CNTNAP4: variants seen among roughly 807,000 people sequenced by gnomAD.
CNTNAP4 encodes contactin associated protein family member 4.
In CNTNAP4, 98 loss-of-function variants were observed where a neutral mutation model predicts 148.4. The ratio of observed to expected loss-of-function variants is 0.66; its 90% CI spans 0.56 to 0.78. The LOEUF is 0.78. CNTNAP4 is among the 30% of genes least tolerant of loss of function. The pLI, the probability that CNTNAP4 is intolerant of heterozygous loss-of-function variation, is 0.00. For synonymous variants in CNTNAP4, 730 were observed against 565.1 expected (o/e 1.29, Z -4.14); for missense variants, 1,935 against 1,565.6 (o/e 1.24, Z -3.98).
rs562256656 is a variant in CNTNAP4, at chr16:76,286,983, A to G, written c.85+9236A>G. Among the ~76,000 whole-genome samples, 7 of 152,318 alleles carry G rather than the reference A, an allele frequency of 4.6e-5. No individual in the cohort carries two copies. In the East Asian group the frequency reaches 1.3e-3, roughly 29 times the overall value. On this transcript the variant is annotated intron_variant, in intron 1 of 23. Coordinates refer to ENST00000611870, the MANE Select transcript of CNTNAP4 (RefSeq NM_033401.5). ...TAGGCTCTTTTGTTTCATAGTGTGT[A>G]TGATTTCTGTGCTTATTTGAACTGC...
intron 12 of CNTNAP4, among the ~76,000 whole-genome samples, chr16:76,480,540 C>T (rs948655955): frequency 6.6e-6 from 1 of 152,080 alleles, no homozygotes; most frequent in Non-Finnish European, 1.5e-5. Flanking sequence ...GAGATTGAGA[C>T]CATCCTGGCC....
At chr16:76,541,361 C>T (rs1415947388) in intron 21 of CNTNAP4, among the ~76,000 whole-genome samples, 1 of 152,154 alleles carries the variant, frequency 6.6e-6, no homozygotes, top group Non-Finnish European at 1.5e-5. Context: ...AGTAGAAATG[C>T]ACTGTTGCCA....
intron 21 of CNTNAP4, among the ~76,000 whole-genome samples, chr16:76,542,457 C>CA (rs1395005879): frequency 6.6e-6 from 1 of 152,122 alleles, no homozygotes; most frequent in Non-Finnish European, 1.5e-5. Flanking sequence ...CAAGCAGCAA[C>CA]AAAAACAAAG....
At position 76,550,664 on chromosome 16, in the gene CNTNAP4, C is replaced by G. The variant is rs184460387; in HGVS notation, c.3443-2619C>G. Among the ~76,000 whole-genome samples, 3 of 115,336 alleles carry G rather than the reference C, an allele frequency of 2.6e-5. No individual in the cohort carries two copies. The Admixed American group carries it at 3.2e-4, about 12-fold the overall frequency. 75.7% of individuals were successfully genotyped at this position (115,336 alleles called of 152,430 possible). A position where few individuals can be genotyped will look rare whatever the true frequency, so the allele number is the denominator to read the frequency against. ...AATTTTTATTTTCTTTTTAATTTCT[C>G]ATTAAAGTAAAAAGAAAAAAAAAAC... On this transcript the variant is annotated intron_variant, in intron 21 of 23. Transcript: ENST00000611870.
intron 3 of CNTNAP4, among the ~76,000 whole-genome samples, chr16:76,408,506 C>G (rs1170274282): frequency 6.6e-6 from 1 of 150,842 alleles, no homozygotes; most frequent in African/African-American, 2.5e-5. Context: ...GCATCAACCC[C>G]ATGGCCTTTT....
At chr16:76,293,995 G>A (rs1959181916) in intron 1 of CNTNAP4, among the ~76,000 whole-genome samples, 1 of 152,092 alleles carries the variant, frequency 6.6e-6, no homozygotes, top group South Asian at 2.1e-4. Flanking sequence ...GAAAGTCCCT[G>A]TCTGTCTATC....
intron 1 of CNTNAP4, among the ~76,000 whole-genome samples, chr16:76,292,754 C>G (rs1358317219): frequency 6.6e-6 from 1 of 151,994 alleles, no homozygotes; most frequent in Non-Finnish European, 1.5e-5. Flanking sequence ...CTTAAGAAAA[C>G]AGACTAGTGT....
chr16:76,548,730 T>C (rs997278024), intron 21 of CNTNAP4, among the ~76,000 whole-genome samples: 15 of 152,300 alleles, frequency 9.8e-5, no homozygotes, highest in South Asian at 8.3e-4. Context: ...GACTGTTTTA[T>C]CCAGATTTCT....
At chr16:76,528,464 C>T (rs2083835684) in intron 17 of CNTNAP4, among the ~76,000 whole-genome samples, 2 of 152,106 alleles carry the variant, frequency 1.3e-5, no homozygotes, top group African/African-American at 4.8e-5. Context: ...CGCAGTCTCC[C>T]TATGTGCCCA....
At chr16:76,531,973 C>A (rs2084003137) in intron 17 of CNTNAP4, among the ~76,000 whole-genome samples, 1 of 152,158 alleles carries the variant, frequency 6.6e-6, no homozygotes, top group South Asian at 2.1e-4. Flanking sequence ...ATATATTTCA[C>A]ATGTATATAC....
chr16:76,479,576 A>G (rs2081737978), intron 12 of CNTNAP4, 38 bp downstream of exon 12: 11 of 1,586,338 alleles, frequency 6.9e-6, no homozygotes, highest in Admixed American at 3.7e-5. Context: ...TTAAATTTGC[A>G]TGCATGTTTT....
At chr16:76,436,604 T>G (rs142122433) in intron 4 of CNTNAP4, among the ~76,000 whole-genome samples, 3,841 of 152,206 alleles carry the variant, frequency 0.025, 80 homozygotes, top group Non-Finnish European at 0.038. Context: ...TTTCATCACT[T>G]TGTCCAGTGA....
At chr16:76,493,994 G>A (rs1364220219) in intron 13 of CNTNAP4, among the ~76,000 whole-genome samples, 1 of 152,186 alleles carries the variant, frequency 6.6e-6, no homozygotes, top group Non-Finnish European at 1.5e-5. Context: ...CAGAAAAATG[G>A]TCAAGCACCT....
At position 76,493,863 on chromosome 16, in the gene CNTNAP4, C is replaced by G. The variant is rs142259944; in HGVS notation, c.2081-1047C>G. On this transcript the variant is annotated intron_variant, in intron 13 of 23. Coordinates refer to ENST00000611870, the MANE Select transcript of CNTNAP4 (RefSeq NM_033401.5). Reference sequence around the variant, plus strand: ...CTGGGAGAGAGCTTGTCAGCATTAGCATGGGGCTATCTAATAGTAAGTTAA... The same window carrying G: ...CTGGGAGAGAGCTTGTCAGCATTAGGATGGGGCTATCTAATAGTAAGTTAA... Among the ~76,000 whole-genome samples the G allele has an allele frequency of 2.6e-4, 39 of 152,266 alleles. No individual in the cohort carries two copies. The East Asian group carries it at 7.5e-3, about 29-fold the overall frequency.
At chr16:76,371,649 G>A (rs13338416) in intron 3 of CNTNAP4, among the ~76,000 whole-genome samples, 7,692 of 152,224 alleles carry the variant, frequency 0.051, 633 homozygotes, top group African/African-American at 0.17. Flanking sequence ...ACATTACTAA[G>A]TTTTATTGAA....
chr16:76,509,286 G>A (rs1445296087), intron 15 of CNTNAP4, among the ~76,000 whole-genome samples: 1 of 96,336 alleles, frequency 1.0e-5, no homozygotes, highest in African/African-American at 2.6e-5. Context: ...AGTATCCCTG[G>A]TTCCTACCCA....
At chr16:76,308,678 T>G (rs1442955527) in intron 1 of CNTNAP4, among the ~76,000 whole-genome samples, 5 of 152,240 alleles carry the variant, frequency 3.3e-5, no homozygotes, top group African/African-American at 7.2e-5. Context: ...CAGACTAGCA[T>G]GGTTCTGGCT....
At chr16:76,281,252 A>C (rs1295332209) in intron 1 of CNTNAP4, among the ~76,000 whole-genome samples, 1 of 152,086 alleles carries the variant, frequency 6.6e-6, no homozygotes, top group African/African-American at 2.4e-5. Context: ...ATTTACTCCT[A>C]TAGCAGAAAA....
intron 2 of CNTNAP4, among the ~76,000 whole-genome samples, chr16:76,347,641 A>G (rs1274609391): frequency 6.6e-6 from 1 of 152,120 alleles, no homozygotes; most frequent in African/African-American, 2.4e-5. Flanking sequence ...ATATTCGAGC[A>G]AGAGACTTAT....
Sources: allele counts gnomAD v4.1 joint callset (sites outside exome capture counted in the v4.1 genomes callset), GRCh38; gene constraint gnomAD v4.1.1; transcripts MANE v1.5; gene names NCBI Gene and HGNC (gene_info 2026-07-23, HGNC 2026-07-21).